PIK3CG: variants seen among roughly 807,000 people sequenced by gnomAD.
PIK3CG encodes the protein phosphatidylinositol-4,5-bisphosphate 3-kinase catalytic subunit gamma, also known as phosphatidylinositol 4,5-bisphosphate 3-kinase catalytic subunit gamma isoform.
In PIK3CG, 55 loss-of-function variants were observed where a neutral mutation model predicts 102.3. The ratio of observed to expected loss-of-function variants is 0.54; its 90% CI spans 0.43 to 0.67. The LOEUF (loss-of-function observed/expected upper bound fraction) is 0.67. Ranked by LOEUF, PIK3CG falls within the 30% of genes least tolerant of loss-of-function variation. The pLI, the probability that PIK3CG is intolerant of heterozygous loss-of-function variation, is 0.00. For synonymous variants in PIK3CG, 552 were observed against 540.0 expected, an observed-to-expected ratio of 1.02 and a Z score of -0.31; for missense variants, 1,258 against 1,391.8, an observed-to-expected ratio of 0.90 and a Z score of 1.53.
chr7:106,889,252 C>G (rs939071450), intron 10 of PIK3CG, among the ~76,000 whole-genome samples: 1 of 152,184 alleles, frequency 6.6e-6, no homozygotes, highest in African/African-American at 2.4e-5. Flanking sequence ...CTGAACACCA[C>G]AGCTTTAACA....
chr7:106,884,345 T>C lies in PIK3CG; in HGVS notation c.2872+79T>C, dbSNP rs1705497001. Reference sequence around the variant, plus strand: ...TAACATTTACTATTTTAACTCTAATTAACTGTAAGTGTTCAGTTCAGTGGC... The same window carrying C: ...TAACATTTACTATTTTAACTCTAATCAACTGTAAGTGTTCAGTTCAGTGGC... On this transcript the variant is annotated intron_variant, in intron 9 of 10. Transcript: ENST00000496166. This position sits in a 1 kb window ranked among gnomAD's most constrained non-coding sequence, Gnocchi z 4.2. The C allele has an allele frequency of 3.3e-6, 3 of 912,394 alleles. No individual in the cohort carries two copies. In the East Asian group the frequency reaches 7.7e-5, roughly 24 times the overall value. 56.5% of individuals were successfully genotyped at this position (912,394 alleles called of 1,614,324 possible).
rs1341213617 is a variant in PIK3CG at position 106,874,669 on chromosome 7, C to T, written c.2288-31C>T. The T allele has an allele frequency of 7.5e-7, 1 of 1,336,482 alleles. No individual in the cohort carries two copies. Among genetic ancestry groups the T allele is most frequent in the South Asian group, 1.2e-5 (1 of 84,974 alleles). 82.8% of individuals were successfully genotyped at this position (1,336,482 alleles called of 1,614,324 possible). A position where few individuals can be genotyped will look rare whatever the true frequency, so the allele number is the denominator to read the frequency against. On this transcript the variant is annotated intron_variant, in intron 4 of 10. Coordinates refer to ENST00000496166, the MANE Select transcript of PIK3CG (RefSeq NM_001282426.2). The surrounding 1 kb of genome is among the most constrained non-coding windows in gnomAD (Gnocchi z 4.3). ...TAATATTGATGATTTCTGGAACTCACATAACTCTTGTGTACTTTTGACAAT... is the reference window on the plus strand; with the variant it reads ...TAATATTGATGATTTCTGGAACTCATATAACTCTTGTGTACTTTTGACAAT...
rs776048896 is a variant in PIK3CG, at chr7:106,867,804, C to T, written c.243C>T (p.Thr81=). 24 of 1,612,484 alleles carry T rather than the reference C, an allele frequency of 1.5e-5. No homozygotes were observed. In the South Asian group the frequency reaches 2.6e-4, roughly 18 times the overall value. ...KAQVWLRALE[T]SVAADFYHRL... Reference sequence around the variant, plus strand: ...AGGTGTGGCTGCGAGCGCTGGAGACCAGCGTGGCGGCGGACTTCTACCACC... The same window carrying T: ...AGGTGTGGCTGCGAGCGCTGGAGACTAGCGTGGCGGCGGACTTCTACCACC... The change falls in exon 2 of 11, where the codon ACC becomes ACT. Residue 81 remains threonine (T), a synonymous_variant. Transcript: ENST00000496166. This position sits in a 1 kb window ranked among gnomAD's most constrained non-coding sequence, Gnocchi z 5.1.
In PIK3CG at chr7:106,894,333, A is replaced by C. The variant is rs1049215872; in HGVS notation, c.3030+8041A>C. Among the ~76,000 whole-genome samples, 5 of 152,206 alleles carry C rather than the reference A, an allele frequency of 3.3e-5. No homozygotes were observed. The highest frequency in any genetic ancestry group is 1.2e-4 in the African/African-American group (5 of 41,462). On this transcript the variant is annotated intron_variant, in intron 10 of 10. Coordinates refer to ENST00000496166, the MANE Select transcript of PIK3CG (RefSeq NM_001282426.2). The surrounding 1 kb of genome is among the most constrained non-coding windows in gnomAD (Gnocchi z 4.4). ...AGTAGAATAGCTTATTGTAGCATTT[A>C]GGTTTCTAATGTGCTTCTAGCTAAA...
chr7:106,887,806 C>G (rs975158744), intron 10 of PIK3CG, among the ~76,000 whole-genome samples: 2 of 152,100 alleles, frequency 1.3e-5, no homozygotes, highest in Non-Finnish European at 2.9e-5. Context: ...GGGGAAAACA[C>G]TCATGTCTTC....
intron 10 of PIK3CG, among the ~76,000 whole-genome samples, chr7:106,889,788 T>A (rs1272196472): frequency 6.6e-6 from 1 of 152,166 alleles, no homozygotes; most frequent in Non-Finnish European, 1.5e-5. Flanking sequence ...CCAAGGGAGC[T>A]ACTTTAGCCT....
chr7:106,868,156 C>A lies in PIK3CG; in HGVS notation c.595C>A (p.His199Asn), dbSNP rs2116432241. 6.2e-7 allele frequency: 1 copy of A among 1,613,136 alleles called. No individual in the cohort carries two copies. The highest frequency in any genetic ancestry group is 8.5e-7 in the Non-Finnish European group (1 of 1,180,018). The change falls in exon 2 of 11, where the codon CAC (histidine) becomes AAC (asparagine). Residue 199 changes from histidine to asparagine, a missense_variant. Physicochemically the swap from His to Asn is moderately conservative, Grantham distance 68. Transcript: ENST00000496166. This position sits in a 1 kb window ranked among gnomAD's most constrained non-coding sequence, Gnocchi z 6.2. ...CCGCGACCCCAAGCTCTACGCCATG[C>A]ACCCGTGGGTGACGTCCAAGCCCCT... The part of the protein sequence containing the change: ...ASRDPKLYAM[H>N]PWVTSKPLPE...
chr7:106,885,758 G>A lies in PIK3CG; in HGVS notation c.2873-377G>A, dbSNP rs191002153. ...CAAAAGGAAAAGGTGAATAACCCCT[G>A]CCCCCAAGCAGAGTGAAACATCAGT... On this transcript the variant is annotated intron_variant, in intron 9 of 10. Coordinates refer to ENST00000496166, the MANE Select transcript of PIK3CG (RefSeq NM_001282426.2). Among the ~76,000 whole-genome samples, 118 of 152,128 alleles carry A rather than the reference G, an allele frequency of 7.8e-4. 2 individuals are homozygous for A. Among genetic ancestry groups the A allele is most frequent in the Non-Finnish European group, 1.2e-4 (8 of 67,998 alleles).
At chr7:106,871,322 A>G (rs1790523922) in intron 2 of PIK3CG, among the ~76,000 whole-genome samples, 1 of 152,212 alleles carries the variant, frequency 6.6e-6, no homozygotes, top group South Asian at 2.1e-4. Flanking sequence ...TGGCTAAAAG[A>G]CCACATTCTC....
chr7:106,866,286 C>T (rs1349365332), intron 1 of PIK3CG, among the ~76,000 whole-genome samples: 1 of 152,164 alleles, frequency 6.6e-6, no homozygotes, highest in Admixed American at 6.5e-5. Flanking sequence ...TAATGTATTA[C>T]AATGTAGTGA....
At chr7:106,886,725 G>A (rs1016132627) in intron 10 of PIK3CG, among the ~76,000 whole-genome samples, 6 of 152,148 alleles carry the variant, frequency 3.9e-5, no homozygotes, top group African/African-American at 1.4e-4. Context: ...TTTTGCTACA[G>A]GTGAATTCTC....
chr7:106,896,289 C>T (rs1791405801), intron 10 of PIK3CG, among the ~76,000 whole-genome samples: 1 of 152,206 alleles, frequency 6.6e-6, no homozygotes, highest in South Asian at 2.1e-4. Flanking sequence ...AATTTCCCTC[C>T]TTGAAAATGT....
intron 7 of PIK3CG, chr7:106,882,775 A>G (rs1217347730): frequency 5.8e-6 from 2 of 342,106 alleles, no homozygotes; most frequent in Non-Finnish European, 1.1e-5. Flanking sequence ...GCTTTTATTT[A>G]TTACTATTCA....
chr7:106,876,041 A>G (rs1790724581), intron 5 of PIK3CG, among the ~76,000 whole-genome samples: 1 of 149,440 alleles, frequency 6.7e-6, no homozygotes, highest in Non-Finnish European at 1.5e-5. Flanking sequence ...CAGCCTCCCA[A>G]GTAGCTGGGA....
intron 5 of PIK3CG, among the ~76,000 whole-genome samples, chr7:106,876,201 A>G (rs2116507291): frequency 6.6e-6 from 1 of 152,090 alleles, no homozygotes; most frequent in South Asian, 2.1e-4. Flanking sequence ...GGCGTGAGCC[A>G]CCGCGCCCGG....
Position 106,880,106 on chromosome 7 carries a change from A to C in PIK3CG, c.2538+441A>C, listed in dbSNP as rs1790889295. On this transcript the variant is annotated intron_variant, in intron 6 of 10. Coordinates refer to ENST00000496166, the MANE Select transcript of PIK3CG (RefSeq NM_001282426.2). The surrounding 1 kb of genome is among the most constrained non-coding windows in gnomAD (Gnocchi z 4.2). Reference sequence around the variant, plus strand: ...GATTTTATGGGAAGGAGAAAGATGAACAAGTAGGTCACCACAGAAATCCTG... The same window carrying C: ...GATTTTATGGGAAGGAGAAAGATGACCAAGTAGGTCACCACAGAAATCCTG... 6.6e-6 allele frequency among the ~76,000 whole-genome samples: 1 copy of C among 152,246 alleles called. No individual in the cohort carries two copies. Among genetic ancestry groups the C allele is most frequent in the African/African-American group, 2.4e-5 (1 of 41,466 alleles).
chr7:106,898,063 G>T (rs529252740), intron 10 of PIK3CG, among the ~76,000 whole-genome samples: 9 of 152,150 alleles, frequency 5.9e-5, no homozygotes, highest in Non-Finnish European at 5.9e-5. Flanking sequence ...TGACTTTTTA[G>T]TAATAGCCAT....
In PIK3CG at chr7:106,869,547, A is replaced by G. The variant is rs762114273; in HGVS notation, c.1986A>G (p.Gln662=). 16 of 1,605,478 alleles carry G rather than the reference A, an allele frequency of 1.0e-5. No homozygotes were observed. Among genetic ancestry groups the G allele is most frequent in the African/African-American group, 1.3e-5 (1 of 74,694 alleles). ...ATGATGTTCTGCATTACCTTCTACAATTGGTCCAGGTAGGGGATGTTGGTG... is the reference window on the plus strand; with the variant it reads ...ATGATGTTCTGCATTACCTTCTACAGTTGGTCCAGGTAGGGGATGTTGGTG... ...EDDDVLHYLL[Q]LVQAVKFEPY... is the part of the protein sequence containing the mutation. The change falls in exon 2 of 11, where the codon CAA becomes CAG. Residue 662 remains glutamine, a synonymous_variant. Transcript: ENST00000496166. The surrounding 1 kb of genome is among the most constrained non-coding windows in gnomAD (Gnocchi z 5.3).
In PIK3CG at chr7:106,890,431, T is replaced by C. The variant is rs1338413794; in HGVS notation, c.3030+4139T>C. Among the ~76,000 whole-genome samples the C allele has an allele frequency of 6.6e-6, 1 of 152,246 alleles. No individual in the cohort carries two copies. The highest frequency in any genetic ancestry group is 1.5e-5 in the Non-Finnish European group (1 of 68,042). On this transcript the variant is annotated intron_variant, in intron 10 of 10. Transcript: ENST00000496166. The surrounding 1 kb of genome is among the most constrained non-coding windows in gnomAD (Gnocchi z 4.2). Reference sequence around the variant, plus strand: ...CTCCTGACCTCGTGATCCGGCTGCCTCAGCCTCCCAAAGTGCTGGGACTAC... The same window carrying C: ...CTCCTGACCTCGTGATCCGGCTGCCCCAGCCTCCCAAAGTGCTGGGACTAC...
Sources: gnomAD v4.1 joint callset for allele counts (sites outside exome capture counted in the v4.1 genomes callset) on GRCh38, gnomAD v4.1.1 for gene constraint, Gnocchi (gnomAD v3.1) non-coding constraint, MANE v1.5 for transcripts, NCBI Gene and HGNC (gene_info 2026-07-23, HGNC 2026-07-21) for gene names.